Variants in STXBP5L observed in about 807,000 individuals in gnomAD.
The protein encoded by STXBP5L is syntaxin binding protein 5L, also known as syntaxin-binding protein 5-like.
In STXBP5L, 65 loss-of-function variants were observed where a neutral mutation model predicts 144.5. The ratio of observed to expected loss-of-function variants is 0.45; its 90% CI spans 0.37 to 0.55. The LOEUF (loss-of-function observed/expected upper bound fraction) is 0.55. Ranked by LOEUF, STXBP5L falls within the 20% of genes least tolerant of loss-of-function variation. The pLI, the probability that STXBP5L is intolerant of heterozygous loss-of-function variation, is 0.00. For missense variants in STXBP5L, 1,298 were observed against 1,405.5 expected (o/e 0.92, Z 1.22); for synonymous variants, 505 against 469.6 (o/e 1.08, Z -0.97).
At chr3:121,367,193 C>T (rs1028507171) in intron 20 of STXBP5L, among the ~76,000 whole-genome samples, 2 of 152,140 alleles carry the variant, frequency 1.3e-5, no homozygotes, top group African/African-American at 4.8e-5. Context: ...ATAACACTAG[C>T]TTGTACAATT....
chr3:121,072,810 G>A (rs753536325), intron 5 of STXBP5L, among the ~76,000 whole-genome samples: 6 of 152,196 alleles, frequency 3.9e-5, no homozygotes, highest in Non-Finnish European at 7.3e-5. Context: ...CGGCTTCTAA[G>A]AGCTTCTCTA....
intron 20 of STXBP5L, among the ~76,000 whole-genome samples, chr3:121,371,367 T>C (rs1218378823): frequency 1.3e-5 from 2 of 152,138 alleles, no homozygotes; most frequent in East Asian, 1.9e-4. Context: ...GCTCCTTGAG[T>C]TTAGGAATCT....
At chr3:121,052,515 T>C (rs1327573108) in intron 5 of STXBP5L, among the ~76,000 whole-genome samples, 2 of 152,200 alleles carry the variant, frequency 1.3e-5, no homozygotes, top group Non-Finnish European at 2.9e-5. Context: ...TCTCAATAGA[T>C]GCATAAAAGG....
chr3:121,053,486 T>A (rs989296348), intron 5 of STXBP5L, among the ~76,000 whole-genome samples: 5 of 152,114 alleles, frequency 3.3e-5, no homozygotes, highest in Non-Finnish European at 7.4e-5. Context: ...AAACAAGAAA[T>A]GGGGAAAGGA....
chr3:121,223,076 C>G lies in STXBP5L; in HGVS notation c.1030C>G (p.His344Asp). ...ACRRPSLTIM[H>D]GKAITVLEMD... ...TAGAAGACCAAGTTTAACCATCATG[C>G]ATGGAAAAGCAATTACAGTACTTGA... The change falls in exon 11 of 27, where the codon CAT (histidine) becomes GAT (aspartate). Residue 344 changes from histidine to aspartate, a missense_variant. Physicochemically the swap from His to Asp is moderately conservative, Grantham distance 81. Coordinates refer to ENST00000471454, the MANE Select transcript of STXBP5L (RefSeq NM_001308330.2). 6.2e-7 allele frequency: 1 copy of G among 1,612,956 alleles called. No individual in the cohort carries two copies. The highest frequency in any genetic ancestry group is 8.5e-7 in the Non-Finnish European group (1 of 1,179,468).
At chr3:121,363,343 A>G (rs2045769737) in intron 20 of STXBP5L, among the ~76,000 whole-genome samples, 1 of 152,090 alleles carries the variant, frequency 6.6e-6, no homozygotes, top group African/African-American at 2.4e-5. Flanking sequence ...TGTAGTCCTT[A>G]TGCCCTACAC....
intron 3 of STXBP5L, among the ~76,000 whole-genome samples, chr3:121,031,772 T>G (rs1385582038): frequency 6.6e-6 from 1 of 152,092 alleles, no homozygotes; most frequent in Non-Finnish European, 1.5e-5. Context: ...GTTAAGGAGT[T>G]GCAATGTGAA....
At chr3:120,977,676 C>G (rs1472713411) in intron 3 of STXBP5L, among the ~76,000 whole-genome samples, 1 of 152,128 alleles carries the variant, frequency 6.6e-6, no homozygotes, top group Non-Finnish European at 1.5e-5. Flanking sequence ...TTTGCAGTGG[C>G]TGGTACCAGT....
chr3:121,417,798 AAT>A (rs1470611321), intron 25 of STXBP5L, among the ~76,000 whole-genome samples: 4 of 152,194 alleles, frequency 2.6e-5, no homozygotes, highest in Non-Finnish European at 5.9e-5. Flanking sequence ...TATATGGGTA[AAT>A]GTTATGTTTG....
At chr3:121,012,609 G>A (rs1944860990) in intron 3 of STXBP5L, among the ~76,000 whole-genome samples, 1 of 151,606 alleles carries the variant, frequency 6.6e-6, no homozygotes, top group Admixed American at 6.6e-5. Context: ...TGCATTTATT[G>A]TCAGTTTGTA....
chr3:121,086,431 C>A (rs2042496976), intron 5 of STXBP5L, among the ~76,000 whole-genome samples: 1 of 151,958 alleles, frequency 6.6e-6, no homozygotes, highest in South Asian at 2.1e-4. Context: ...GCCATTGTAA[C>A]ATTATAGCAC....
intron 19 of STXBP5L, among the ~76,000 whole-genome samples, chr3:121,296,626 G>C (rs767025783): frequency 1.6e-4 from 25 of 152,306 alleles, no homozygotes; most frequent in Non-Finnish European, 2.9e-4. Context: ...TGAGCAGAAA[G>C]CTACTGCTGC....
chr3:120,978,016 A>G (rs1457511145), intron 3 of STXBP5L, among the ~76,000 whole-genome samples: 1 of 152,034 alleles, frequency 6.6e-6, no homozygotes, highest in East Asian at 1.9e-4. Context: ...TATGACAATT[A>G]TGTGTCTTGG....
intron 3 of STXBP5L, among the ~76,000 whole-genome samples, chr3:121,035,249 T>G (rs1025324420): frequency 6.6e-6 from 1 of 152,126 alleles, no homozygotes; most frequent in African/African-American, 2.4e-5. Flanking sequence ...TTTTTGTTGC[T>G]TGTGCTTTTG....
chr3:121,126,994 ATGT>A (rs543769543), intron 7 of STXBP5L, among the ~76,000 whole-genome samples: 11 of 152,060 alleles, frequency 7.2e-5, no homozygotes, highest in Non-Finnish European at 1.3e-4. Flanking sequence ...AAAATATTTT[ATGT>A]TGTTGTTGTT....
intron 2 of STXBP5L, among the ~76,000 whole-genome samples, chr3:120,934,675 T>G (rs1710164911): frequency 1.3e-5 from 2 of 152,220 alleles, no homozygotes; most frequent in African/African-American, 2.4e-5. Context: ...GATGCTCTAT[T>G]GTTAGACACA....
intron 9 of STXBP5L, among the ~76,000 whole-genome samples, chr3:121,189,778 TA>T (rs1273269127): frequency 2.0e-5 from 3 of 152,154 alleles, no homozygotes; most frequent in Non-Finnish European, 4.4e-5. Context: ...TTTATTACAT[TA>T]AATTATACAT....
At chr3:121,050,533 C>A (rs1228536846) in intron 5 of STXBP5L, among the ~76,000 whole-genome samples, 1 of 152,026 alleles carries the variant, frequency 6.6e-6, no homozygotes, top group African/African-American at 2.4e-5. Flanking sequence ...CAAGCAAATG[C>A]TGAGAGATTT....
intron 5 of STXBP5L, among the ~76,000 whole-genome samples, chr3:121,112,969 G>T (rs147859335): frequency 9.1e-4 from 138 of 152,078 alleles, no homozygotes; most frequent in African/African-American, 3.1e-3. Context: ...CTCTTTTTGG[G>T]GGGGTTCAGT....
Sources: gnomAD v4.1 joint callset for allele counts (sites outside exome capture counted in the v4.1 genomes callset) on GRCh38, gnomAD v4.1.1 for gene constraint, MANE v1.5 for transcripts, NCBI Gene and HGNC (gene_info 2026-07-23, HGNC 2026-07-21) for gene names.